ST3GAL1: variants seen among roughly 807,000 people sequenced by gnomAD.
ST3GAL1 encodes the protein ST3 beta-galactoside alpha-2,3-sialyltransferase 1, also known as CMP-N-acetylneuraminate-beta-galactosamide-alpha-2,3-sialyltransferase 1.
In ST3GAL1, 16 loss-of-function variants were observed where a neutral mutation model predicts 34.1. The observed-to-expected ratio is 0.47, with a 90% CI of 0.32 to 0.71. The LOEUF is 0.71. ST3GAL1 is among the 30% of genes least tolerant of loss of function. The pLI is 0.04. For missense variants in ST3GAL1, 353 were observed against 447.4 expected (o/e 0.79, Z 1.90); for synonymous variants, 191 against 184.7 (o/e 1.03, Z -0.28).
chr8:133,470,974 C>T (rs1317776285), intron 5 of ST3GAL1, among the ~76,000 whole-genome samples: 1 of 152,136 alleles, frequency 6.6e-6, no homozygotes, highest in Non-Finnish European at 1.5e-5. Flanking sequence ...CACACCCGTC[C>T]CGAGAGTGTT....
intron 1 of ST3GAL1, among the ~76,000 whole-genome samples, chr8:133,550,886 G>A (rs1054640014): frequency 1.3e-5 from 2 of 152,182 alleles, no homozygotes; most frequent in African/African-American, 4.8e-5. Flanking sequence ...TCATAAGAGA[G>A]TGTATTCTCC....
At chr8:133,480,803 C>T (rs998902658) in intron 3 of ST3GAL1, among the ~76,000 whole-genome samples, 4 of 152,210 alleles carry the variant, frequency 2.6e-5, no homozygotes, top group African/African-American at 9.7e-5. Context: ...TTCCCCATTC[C>T]CTTTCTGATA....
intron 2 of ST3GAL1, among the ~76,000 whole-genome samples, chr8:133,535,525 A>ATTTTTTTTTTTTTTTTTTTTTTTTTTTTT (rs112708766): frequency 1.4e-5 from 2 of 144,936 alleles, no homozygotes; most frequent in Admixed American, 6.7e-5. Context: ...GTATTTTTTA[A>ATTTTTTTTTTTTTTTTTTTTTTTTTTTTT]TTTTTTTTTT....
At chr8:133,475,634 C>A in intron 5 of ST3GAL1, 85 bp downstream of exon 5, 1 of 1,423,030 alleles carries the variant, frequency 7.0e-7, no homozygotes, top group Non-Finnish European at 9.3e-7. Flanking sequence ...CCACTCTTAT[C>A]CAGATCCCCA....
chr8:133,547,482 T>C (rs1818703396), intron 1 of ST3GAL1, among the ~76,000 whole-genome samples: 1 of 152,152 alleles, frequency 6.6e-6, no homozygotes, highest in Non-Finnish European at 1.5e-5. Flanking sequence ...ATGGCTGGTC[T>C]TGAGCTCCTG....
At chr8:133,525,104 G>A (rs981294903) in intron 2 of ST3GAL1, among the ~76,000 whole-genome samples, 2 of 152,360 alleles carry the variant, frequency 1.3e-5, no homozygotes, top group East Asian at 3.9e-4. Context: ...AATGAGGTAT[G>A]CAGACAACTG....
chr8:133,480,999 C>A (rs1816360670), intron 3 of ST3GAL1, among the ~76,000 whole-genome samples: 2 of 152,164 alleles, frequency 1.3e-5, no homozygotes. Context: ...TGTCATCTAT[C>A]TTTGTGCAAT....
chr8:133,456,948 G>C lies in ST3GAL1; in HGVS notation c.*2816C>G, dbSNP rs573414786. 1 of 152,268 alleles carries C rather than the reference G, an allele frequency of 6.6e-6. No homozygotes were observed. Among genetic ancestry groups the C allele is most frequent in the Non-Finnish European group, 1.5e-5 (1 of 68,110 alleles). The allele number at this position is 152,268 out of a possible 1,614,324, so 9.4% of individuals were successfully genotyped here. On this transcript the variant is annotated 3_prime_UTR_variant, in exon 10 of 10. Transcript: ENST00000522652. ...GTGCTATCTGTCCCAGACAGTTCAC[G>C]ACTGCCCGTCACTTCCCTCCTTCAC...
At chr8:133,552,506 G>A (rs780661632) in intron 1 of ST3GAL1, among the ~76,000 whole-genome samples, 1 of 152,214 alleles carries the variant, frequency 6.6e-6, no homozygotes, top group Non-Finnish European at 1.5e-5. Context: ...GGAATGACAT[G>A]GTTCATGCCA....
rs1815479658 is a variant in ST3GAL1, at chr8:133,461,046, G to A, written c.849+829C>T. On this transcript the variant is annotated intron_variant, in intron 9 of 9. Coordinates refer to ENST00000522652, the MANE Select transcript of ST3GAL1 (RefSeq NM_173344.3). This position sits in a 1 kb window ranked among gnomAD's most constrained non-coding sequence, Gnocchi z 4.7. ...GGCTCTTGAGCAGAACCTCAAGCAA[G>A]GGTCTGGGACCAGCTGGCTGGAGGT... is the stretch of plus-strand genomic sequence containing the variant. Among the ~76,000 whole-genome samples, 5 of 152,294 alleles carry A rather than the reference G, an allele frequency of 3.3e-5. No homozygotes were observed. In the South Asian group the frequency reaches 1.0e-3, roughly 32 times the overall value.
At chr8:133,557,186 A>C (rs763127351) in intron 1 of ST3GAL1, among the ~76,000 whole-genome samples, 6 of 152,306 alleles carry the variant, frequency 3.9e-5, no homozygotes, top group Non-Finnish European at 7.4e-5. Flanking sequence ...GAAGAAAAAG[A>C]GGGGAGGCAG....
intron 2 of ST3GAL1, among the ~76,000 whole-genome samples, chr8:133,542,097 A>C (rs909416519): frequency 1.4e-5 from 2 of 140,588 alleles, no homozygotes; most frequent in African/African-American, 5.4e-5. Flanking sequence ...GATACACCAC[A>C]CACACACACA....
chr8:133,535,274 T>C (rs1334358369), intron 2 of ST3GAL1, among the ~76,000 whole-genome samples: 1 of 152,228 alleles, frequency 6.6e-6, no homozygotes, highest in Non-Finnish European at 1.5e-5. Context: ...TAGCCACATC[T>C]TTAGCTTCAT....
chr8:133,568,338 G>C (rs986696355), intron 1 of ST3GAL1, among the ~76,000 whole-genome samples: 3 of 152,166 alleles, frequency 2.0e-5, no homozygotes, highest in African/African-American at 7.2e-5. Context: ...ACAGGGCCCC[G>C]GTCTGGGCTC....
At chr8:133,552,814 TCAA>T (rs1233149658) in intron 1 of ST3GAL1, among the ~76,000 whole-genome samples, 1 of 152,138 alleles carries the variant, frequency 6.6e-6, no homozygotes, top group African/African-American at 2.4e-5. Context: ...GCTATTATCA[TCAA>T]CAATAGCAAC....
chr8:133,533,494 T>A (rs545490972), intron 2 of ST3GAL1, among the ~76,000 whole-genome samples: 1 of 152,332 alleles, frequency 6.6e-6, no homozygotes, highest in South Asian at 2.1e-4. Context: ...TTCTCTCCTA[T>A]CAGGAGCGAG....
At chr8:133,462,103 T>G (rs1272229880) in intron 8 of ST3GAL1, 109 bp from the exon 9 acceptor site, 2 of 1,507,484 alleles carry the variant, frequency 1.3e-6, no homozygotes, top group Admixed American at 3.6e-5. Flanking sequence ...GCCATGAGCC[T>G]AATAGATACG....
chr8:133,486,237 C>A (rs563391765), intron 3 of ST3GAL1, among the ~76,000 whole-genome samples: 40 of 152,322 alleles, frequency 2.6e-4, no homozygotes, highest in African/African-American at 9.4e-4. Flanking sequence ...TCGGCCCCTG[C>A]CCTGGGCCTC....
chr8:133,458,920 C>G lies in ST3GAL1; in HGVS notation c.*844G>C, dbSNP rs1343035271. On this transcript the variant is annotated 3_prime_UTR_variant, in exon 10 of 10. Coordinates refer to ENST00000522652, the MANE Select transcript of ST3GAL1 (RefSeq NM_173344.3). Reference sequence around the variant, plus strand: ...TTTTTTTCAGAGACAGGGTCTCACTCTGTTGCCCAGGCTGGAGTGCAGTGG... The same window carrying G: ...TTTTTTTCAGAGACAGGGTCTCACTGTGTTGCCCAGGCTGGAGTGCAGTGG... 3 of 148,162 alleles carry G rather than the reference C, an allele frequency of 2.0e-5. No individual in the cohort carries two copies. Among genetic ancestry groups the G allele is most frequent in the South Asian group, 4.3e-4 (2 of 4,668 alleles). 9.2% of individuals were successfully genotyped at this position (148,162 alleles called of 1,614,324 possible).
Sources: allele counts gnomAD v4.1 joint callset (sites outside exome capture counted in the v4.1 genomes callset), GRCh38; gene constraint gnomAD v4.1.1; non-coding constraint Gnocchi (gnomAD v3.1); transcripts MANE v1.5; gene names NCBI Gene and HGNC (gene_info 2026-07-23, HGNC 2026-07-21).